The following GSPT1 variants were observed in gnomAD, a reference collection of about 807,000 sequenced individuals.
The protein encoded by GSPT1 is G1 to S phase transition 1.
GSPT1 carries 20 observed loss-of-function variants against 72.5 expected under a neutral mutation model. The ratio of observed to expected loss-of-function variants is 0.28; its 90% CI spans 0.19 to 0.40. GSPT1 has a LOEUF of 0.40. Ranked by LOEUF, GSPT1 falls within the 10% of genes least tolerant of loss-of-function variation. The probability of loss-of-function intolerance (pLI) is 1.00; values close to 1 mark genes in which losing one functional copy is unlikely to be tolerated. For missense variants in GSPT1, 580 were observed against 811.9 expected (o/e 0.71, Z 3.47); for synonymous variants, 334 against 293.5 (o/e 1.14, Z -1.41).
rs972601446 is a variant in GSPT1 at position 11,869,941 on chromosome 16, G to C, written c.*3178C>G. ...AATATTCGCAGCGTATCAGCTGAGA[G>C]GATGCCGGCAACTGTTGAACTACAT... On this transcript the variant is annotated 3_prime_UTR_variant, in exon 15 of 15. Coordinates refer to ENST00000434724, the MANE Select transcript of GSPT1 (RefSeq NM_002094.4). The C allele has an allele frequency of 6.6e-6, 1 of 152,182 alleles. No individual in the cohort carries two copies. Among genetic ancestry groups the C allele is most frequent in the African/African-American group, 2.4e-5 (1 of 41,442 alleles). The allele number at this position is 152,182 out of a possible 1,614,324, so 9.4% of individuals were successfully genotyped here.
Position 11,880,726 on chromosome 16 carries a change from T to C in GSPT1, c.1428+2289A>G, listed in dbSNP as rs149010119. Among the ~76,000 whole-genome samples the C allele has an allele frequency of 1.6e-3, 246 of 152,368 alleles. 1 individual carries two copies. Among genetic ancestry groups the C allele is most frequent in the African/African-American group, 5.6e-3 (234 of 41,584 alleles). On this transcript the variant is annotated intron_variant, in intron 11 of 14. Transcript: ENST00000434724. ...TACATCTTCTCTGGAAAAATGTCTA[T>C]TGCAGTCCTTTGCCCATTTTTGAAT...
intron 6 of GSPT1, among the ~76,000 whole-genome samples, chr16:11,888,070 G>A (rs188240574): frequency 3.7e-4 from 56 of 152,282 alleles, no homozygotes; most frequent in Admixed American, 3.1e-3. Context: ...CAGGAGAATC[G>A]CTTGAACCTG....
In GSPT1 at chr16:11,868,440, A is replaced by G. The variant is rs928772840; in HGVS notation, c.*4679T>C. 5.3e-5 allele frequency: 8 copies of G among 151,042 alleles called. No homozygotes were observed. In the Admixed American group the frequency reaches 5.3e-4, roughly 10 times the overall value. 9.4% of individuals were successfully genotyped at this position (151,042 alleles called of 1,614,324 possible). On this transcript the variant is annotated 3_prime_UTR_variant, in exon 15 of 15. Coordinates refer to ENST00000434724, the MANE Select transcript of GSPT1 (RefSeq NM_002094.4). ...ACTAGTCACTAAGTCCTGGCCTGAGAGATACCCACATTTCCTTTAGAACAA... is the reference window on the plus strand; with the variant it reads ...ACTAGTCACTAAGTCCTGGCCTGAGGGATACCCACATTTCCTTTAGAACAA...
At chr16:11,897,420 A>G (rs940438318) in intron 3 of GSPT1, among the ~76,000 whole-genome samples, 5 of 152,146 alleles carry the variant, frequency 3.3e-5, no homozygotes, top group African/African-American at 9.7e-5. Context: ...CCCCGCCTCT[A>G]CTAAAAATAC....
rs1055861264 is a variant in GSPT1, at chr16:11,868,447, C to A, written c.*4672G>T. 2 of 151,844 alleles carry A rather than the reference C, an allele frequency of 1.3e-5. No homozygotes were observed. The highest frequency in any genetic ancestry group is 2.9e-5 in the Non-Finnish European group (2 of 67,996). 9.4% of individuals were successfully genotyped at this position (151,844 alleles called of 1,614,324 possible). A position where few individuals can be genotyped will look rare whatever the true frequency, so the allele number is the denominator to read the frequency against. On this transcript the variant is annotated 3_prime_UTR_variant, in exon 15 of 15. Transcript: ENST00000434724. ...ACTAAGTCCTGGCCTGAGAGATACC[C>A]ACATTTCCTTTAGAACAAACAGAAC...
intron 1 of GSPT1, among the ~76,000 whole-genome samples, chr16:11,911,275 G>A (rs920484767): frequency 2.0e-5 from 3 of 152,164 alleles, no homozygotes; most frequent in Non-Finnish European, 4.4e-5. Flanking sequence ...GCCCTGAAGA[G>A]GTCACTTCTG....
intron 11 of GSPT1, among the ~76,000 whole-genome samples, chr16:11,879,472 C>A (rs1174641048): frequency 6.6e-6 from 1 of 151,568 alleles, no homozygotes; most frequent in Admixed American, 6.6e-5. Flanking sequence ...CAGTGGCTCA[C>A]GCCTGTAACC....
rs1425369744 is a variant in GSPT1 at position 11,869,017 on chromosome 16, A to T, written c.*4102T>A. The T allele has an allele frequency of 1.3e-5, 2 of 152,202 alleles. No individual in the cohort carries two copies. The highest frequency in any genetic ancestry group is 4.8e-5 in the African/African-American group (2 of 41,446). The allele number at this position is 152,202 out of a possible 1,614,324, so 9.4% of individuals were successfully genotyped here. On this transcript the variant is annotated 3_prime_UTR_variant, in exon 15 of 15. Coordinates refer to ENST00000434724, the MANE Select transcript of GSPT1 (RefSeq NM_002094.4). Reference sequence around the variant, plus strand: ...TTCAAGGAAGCATAGGATTAGAGGTATGTGAGAAGTGTATTTATTGAAGGG... The same window carrying T: ...TTCAAGGAAGCATAGGATTAGAGGTTTGTGAGAAGTGTATTTATTGAAGGG...
chr16:11,906,876 C>T (rs2054496738), intron 1 of GSPT1, among the ~76,000 whole-genome samples: 3 of 152,016 alleles, frequency 2.0e-5, no homozygotes, highest in African/African-American at 7.3e-5. Context: ...CAACAAAGAA[C>T]GATCCCATCT....
intron 5 of GSPT1, among the ~76,000 whole-genome samples, chr16:11,894,155 CAAAAAAAAAAAAAAA>C (rs57226427): frequency 2.6e-4 from 11 of 42,658 alleles, no homozygotes; most frequent in Admixed American, 7.7e-4. Context: ...GACCCTATCT[CAAAAAAAAAAAAAAA>C]AAAAAAAAAA....
chr16:11,876,738 A>G (rs564068398), intron 12 of GSPT1, among the ~76,000 whole-genome samples: 2 of 152,176 alleles, frequency 1.3e-5, no homozygotes. Context: ...GCAAGACCCC[A>G]TCTCCAAACA....
At chr16:11,874,453 GCTTTTTTTTTTTTTTTT>G (rs780153823) in intron 14 of GSPT1, among the ~76,000 whole-genome samples, 5 of 66,226 alleles carry the variant, frequency 7.5e-5, no homozygotes, top group Non-Finnish European at 1.6e-4. Flanking sequence ...AGCCAAGTTA[GCTTTTTTTTTTTTTTTT>G]TTTTTTTTTT....
At chr16:11,912,362 A>C (rs569434102) in intron 1 of GSPT1, among the ~76,000 whole-genome samples, 326 of 141,148 alleles carry the variant, frequency 2.3e-3, no homozygotes, top group Non-Finnish European at 3.7e-3. Context: ...AAAAAAAAAA[A>C]CAAAAAAAAA....
chr16:11,874,704 C>A (rs1470753061), intron 14 of GSPT1, among the ~76,000 whole-genome samples: 3 of 152,102 alleles, frequency 2.0e-5, no homozygotes, highest in Non-Finnish European at 1.5e-5. Context: ...TATACAATTT[C>A]ATCCAATGTA....
chr16:11,904,983 A>G (rs1421446639), intron 1 of GSPT1, among the ~76,000 whole-genome samples: 1 of 152,156 alleles, frequency 6.6e-6, no homozygotes, highest in African/African-American at 2.4e-5. Flanking sequence ...CAGGAGAATC[A>G]CTGGAACCTG....
rs2053953899 is a variant in GSPT1, at chr16:11,869,413, T to C, written c.*3706A>G. The C allele has an allele frequency of 6.6e-6, 1 of 152,204 alleles. No individual in the cohort carries two copies. The highest frequency in any genetic ancestry group is 6.5e-5 in the Admixed American group (1 of 15,284). 9.4% of individuals were successfully genotyped at this position (152,204 alleles called of 1,614,324 possible). ...GCTGCAAGAAATAAAAGCCTATTAT[T>C]TGGAGATAGATAATTGTCCCCTGAA... On this transcript the variant is annotated 3_prime_UTR_variant, in exon 15 of 15. Coordinates refer to ENST00000434724, the MANE Select transcript of GSPT1 (RefSeq NM_002094.4).
At chr16:11,895,845 T>C (rs975430746) in intron 4 of GSPT1, among the ~76,000 whole-genome samples, 2 of 152,240 alleles carry the variant, frequency 1.3e-5, no homozygotes, top group East Asian at 1.9e-4. Flanking sequence ...CAGGCTGGTC[T>C]TGAACTCCTG....
chr16:11,877,192 TC>T lies in GSPT1; in HGVS notation c.1602+214del, dbSNP rs1291837901. Among the ~76,000 whole-genome samples, 1 of 152,184 alleles carries T rather than the reference TC, an allele frequency of 6.6e-6. No homozygotes were observed. The highest frequency in any genetic ancestry group is 1.9e-4 in the East Asian group (1 of 5,196). The stretch of plus-strand genomic sequence containing the variant: ...ATAAAAAGGAACTTACAAAGAATAC[TC>T]CTTATCCAGTAAGCACTTGTACCAG... On this transcript the variant is annotated intron_variant, in intron 12 of 14. Transcript: ENST00000434724. This position sits in a 1 kb window ranked among gnomAD's most constrained non-coding sequence, Gnocchi z 4.0.
At chr16:11,874,715 A>G (rs1596453781) in intron 14 of GSPT1, among the ~76,000 whole-genome samples, 2 of 152,292 alleles carry the variant, frequency 1.3e-5, no homozygotes, top group East Asian at 3.9e-4. Flanking sequence ...ATCCAATGTA[A>G]AGTTCAGGAA....
Sources: allele counts gnomAD v4.1 joint callset (sites outside exome capture counted in the v4.1 genomes callset), GRCh38; gene constraint gnomAD v4.1.1; non-coding constraint Gnocchi (gnomAD v3.1); transcripts MANE v1.5; gene names NCBI Gene and HGNC (gene_info 2026-07-23, HGNC 2026-07-21).